Variants in CFAP54 observed in about 807,000 individuals in gnomAD.
CFAP54 encodes cilia- and flagella-associated protein 54.
A neutral mutation model predicts 370.4 loss-of-function variants in CFAP54; 290 were observed. That is an observed-to-expected ratio of 0.78 (90% CI 0.71 to 0.86). CFAP54 has a LOEUF of 0.86. Among genes scored for constraint, CFAP54 ranks in the 40% least tolerant of loss-of-function variants. CFAP54 has a pLI of 0.00. For synonymous variants in CFAP54, 1,206 were observed against 1,236.5 expected, an observed-to-expected ratio of 0.98 and a Z score of 0.52; for missense variants, 3,399 against 3,528.7, an observed-to-expected ratio of 0.96 and a Z score of 0.93.
intron 48 of CFAP54, among the ~76,000 whole-genome samples, chr12:96,711,047 T>C (rs1957607693): frequency 6.6e-6 from 1 of 152,224 alleles, no homozygotes; most frequent in Non-Finnish European, 1.5e-5. Flanking sequence ...CTTGAACTTA[T>C]ATTTGTGGAT....
At chr12:96,641,683 G>A (rs928429130) in intron 32 of CFAP54, among the ~76,000 whole-genome samples, 15 of 152,122 alleles carry the variant, frequency 9.9e-5, no homozygotes, top group South Asian at 2.1e-4. Flanking sequence ...CAAGCCAAAT[G>A]TCCAACAATG....
chr12:96,522,379 TTG>T (rs1955330646), intron 8 of CFAP54, among the ~76,000 whole-genome samples, 190 bp downstream of exon 8: 1 of 152,202 alleles, frequency 6.6e-6, no homozygotes, highest in African/African-American at 2.4e-5. Flanking sequence ...CTCAAAGCTT[TTG>T]TGTCTTAGCA....
At chr12:96,628,688 G>A (rs1367590230) in intron 30 of CFAP54, among the ~76,000 whole-genome samples, 1 of 152,178 alleles carries the variant, frequency 6.6e-6, no homozygotes, top group Non-Finnish European at 1.5e-5. Flanking sequence ...GATTGTTACA[G>A]CTGAACCGGG....
At chr12:96,710,005 C>T (rs1957593207) in intron 48 of CFAP54, among the ~76,000 whole-genome samples, 3 of 152,194 alleles carry the variant, frequency 2.0e-5, no homozygotes, top group African/African-American at 7.2e-5. Flanking sequence ...ATGTGAGCCA[C>T]TGCATGTGGC....
intron 62 of CFAP54, 72 bp from the exon 63 acceptor site, chr12:96,792,257 C>A: frequency 1.6e-6 from 2 of 1,284,142 alleles, no homozygotes; most frequent in Non-Finnish European, 2.1e-6. Flanking sequence ...TCAATATAGC[C>A]AAATAATTTG....
At chr12:96,572,205 G>A (rs1955927089) in intron 19 of CFAP54, among the ~76,000 whole-genome samples, 1 of 152,134 alleles carries the variant, frequency 6.6e-6, no homozygotes, top group South Asian at 2.1e-4. Context: ...GTGTTTAGAG[G>A]GTGTGGACAG....
At position 96,747,763 on chromosome 12, in the gene CFAP54, G is replaced by A. The variant is rs114436927; in HGVS notation, c.7684+3617G>A. 3.6e-3 allele frequency among the ~76,000 whole-genome samples: 543 copies of A among 152,266 alleles called. 2 individuals are homozygous for A. The highest frequency in any genetic ancestry group is 0.012 in the African/African-American group (518 of 41,558). On this transcript the variant is annotated intron_variant, in intron 55 of 67. Transcript: ENST00000524981. The stretch of plus-strand genomic sequence containing the variant: ...AGACTTCATGCCTTATCTGCAAAAT[G>A]GAGGTAGGCTATTTTCCCTATATAT...
At chr12:96,871,297 T>C (rs1210446273) in intron 67 of CFAP54, among the ~76,000 whole-genome samples, 2 of 152,194 alleles carry the variant, frequency 1.3e-5, no homozygotes, top group Non-Finnish European at 2.9e-5. Context: ...AGGGACTTAA[T>C]AAATTATTTG....
intron 66 of CFAP54, among the ~76,000 whole-genome samples, chr12:96,840,794 A>G (rs944886801): frequency 2.6e-5 from 4 of 152,168 alleles, no homozygotes; most frequent in Non-Finnish European, 4.4e-5. Context: ...TTTTGAAGAC[A>G]ATGCCAGATG....
At chr12:96,818,614 A>T (rs568494260) in intron 65 of CFAP54, among the ~76,000 whole-genome samples, 1 of 152,374 alleles carries the variant, frequency 6.6e-6, no homozygotes, top group Admixed American at 6.5e-5. Flanking sequence ...CCACCTAGTC[A>T]TGCAGTCATC....
chr12:96,721,019 C>CA (rs201204122), intron 50 of CFAP54, among the ~76,000 whole-genome samples: 3,701 of 118,082 alleles, frequency 0.031, 89 homozygotes, highest in East Asian at 0.13. Context: ...GACTCTGTCT[C>CA]AAAAAAAAAA....
intron 15 of CFAP54, among the ~76,000 whole-genome samples, chr12:96,553,957 G>A (rs1955725261): frequency 6.6e-6 from 1 of 152,060 alleles, no homozygotes; most frequent in African/African-American, 2.4e-5. Flanking sequence ...GGTTTAATTT[G>A]TATTTGGAAA....
At chr12:96,864,534 G>A (rs1197471939) in intron 67 of CFAP54, among the ~76,000 whole-genome samples, 1 of 152,102 alleles carries the variant, frequency 6.6e-6, no homozygotes, top group Non-Finnish European at 1.5e-5. Flanking sequence ...TTTCTGGAGA[G>A]TAGAAATGTA....
chr12:96,521,617 A>G (rs1045090649), intron 6 of CFAP54, among the ~76,000 whole-genome samples: 2 of 151,842 alleles, frequency 1.3e-5, no homozygotes, highest in Non-Finnish European at 2.9e-5. Context: ...GCTACTGTTT[A>G]AGTGATATTT....
chr12:96,494,326 A>T (rs1298726136), intron 1 of CFAP54, among the ~76,000 whole-genome samples: 5 of 151,446 alleles, frequency 3.3e-5, no homozygotes, highest in African/African-American at 1.2e-4. Flanking sequence ...TTTTTGAGAC[A>T]GTCTCACTCT....
At chr12:96,747,290 C>A (rs1958127276) in intron 55 of CFAP54, among the ~76,000 whole-genome samples, 2 of 152,176 alleles carry the variant, frequency 1.3e-5, no homozygotes, top group South Asian at 4.1e-4. Flanking sequence ...ACAAAATATT[C>A]ATTGTATACA....
At chr12:96,679,813 G>A (rs936239348) in intron 40 of CFAP54, 61 bp downstream of exon 40, 1 of 1,530,366 alleles carries the variant, frequency 6.5e-7, no homozygotes, top group Admixed American at 1.8e-5. Context: ...CCCTGCAGAT[G>A]TCCCTCTTCT....
At chr12:96,754,156 T>C (rs1335873704) in intron 56 of CFAP54, among the ~76,000 whole-genome samples, 1 of 152,220 alleles carries the variant, frequency 6.6e-6, no homozygotes, top group Non-Finnish European at 1.5e-5. Flanking sequence ...ACACAAAGTT[T>C]CAGGTTTGAC....
chr12:96,695,802 T>C (rs1957434895), intron 45 of CFAP54, among the ~76,000 whole-genome samples: 1 of 152,258 alleles, frequency 6.6e-6, no homozygotes, highest in Non-Finnish European at 1.5e-5. Context: ...TAGATATTTA[T>C]TGATGTAACT....
Sources: allele counts gnomAD v4.1 joint callset (sites outside exome capture counted in the v4.1 genomes callset), GRCh38; gene constraint gnomAD v4.1.1; transcripts MANE v1.5; gene names NCBI Gene and HGNC (gene_info 2026-07-23, HGNC 2026-07-21).